ATOSA: variants seen among roughly 807,000 people sequenced by gnomAD.
The protein encoded by ATOSA is atos homolog protein A.
At chr15:52,628,048 T>C in the ATOSA span, among the ~76,000 whole-genome samples, 2 of 152,112 alleles carry the variant, frequency 1.3e-5, no homozygotes, top group Non-Finnish European at 2.9e-5. Flanking sequence ...CCAATGGAAA[T>C]GAAGGAAAGA....
the ATOSA span, chr15:52,586,937 CTTAAGTATTCACCTTGATTAGCTTA>C: frequency 1.0e-5 from 9 of 874,388 alleles, no homozygotes; most frequent in Non-Finnish European, 1.4e-5. Flanking sequence ...TGCTATTTTT[CTTAAGTATTCACCTTGATTAGCTTA>C]TTAATGCTTT....
At chr15:52,697,725 T>A in the ATOSA span, among the ~76,000 whole-genome samples, 2,593 of 151,994 alleles carry the variant, frequency 0.017, 80 homozygotes, top group African/African-American at 0.061. Context: ...AAAGATTTCT[T>A]CAAGTTATTA....
chr15:52,604,958 G>A, the ATOSA span, among the ~76,000 whole-genome samples: 3 of 151,752 alleles, frequency 2.0e-5, no homozygotes, highest in African/African-American at 7.3e-5. Context: ...TCACATTTTT[G>A]TCTTTTCCTG....
the ATOSA span, among the ~76,000 whole-genome samples, chr15:52,682,400 T>A: frequency 6.6e-6 from 1 of 152,130 alleles, no homozygotes; most frequent in Non-Finnish European, 1.5e-5. Flanking sequence ...CCAAATCCAG[T>A]GACTAATGTC....
chr15:52,632,821 G>A, the ATOSA span, among the ~76,000 whole-genome samples: 5 of 152,242 alleles, frequency 3.3e-5, no homozygotes, highest in Admixed American at 6.5e-5. Flanking sequence ...TTCAAGGAAT[G>A]CCATGAAGCA....
the ATOSA span, among the ~76,000 whole-genome samples, chr15:52,634,506 GC>G: frequency 6.6e-6 from 1 of 151,138 alleles, no homozygotes; most frequent in Non-Finnish European, 1.5e-5. Context: ...AATGGTATAA[GC>G]ATCTTATTAA....
At chr15:52,647,928 C>A in the ATOSA span, among the ~76,000 whole-genome samples, 3 of 152,100 alleles carry the variant, frequency 2.0e-5, no homozygotes, top group African/African-American at 7.2e-5. Flanking sequence ...TACCCATGAA[C>A]CCTGTCTTCT....
the ATOSA span, among the ~76,000 whole-genome samples, chr15:52,606,897 A>C: frequency 4.6e-5 from 7 of 152,210 alleles, no homozygotes; most frequent in African/African-American, 1.4e-4. Context: ...CTTCAGAAGA[A>C]ATTTTCCATA....
the ATOSA span, among the ~76,000 whole-genome samples, chr15:52,582,569 G>A: frequency 2.0e-5 from 3 of 152,152 alleles, no homozygotes; most frequent in Non-Finnish European, 4.4e-5. Flanking sequence ...AAATCTGAGT[G>A]TCAAATAAAT....
At chr15:52,682,278 C>T in the ATOSA span, among the ~76,000 whole-genome samples, 1 of 150,490 alleles carries the variant, frequency 6.6e-6, no homozygotes, top group African/African-American at 2.5e-5. Flanking sequence ...GTGTTCTCCC[C>T]TCAAAAAAAA....
At chr15:52,609,350 T>G in the ATOSA span, 1 of 1,613,904 alleles carries the variant, frequency 6.2e-7, no homozygotes, top group Non-Finnish European at 8.5e-7. Context: ...TATGAACTCC[T>G]AAACACTTTA....
At chr15:52,622,498 C>T in the ATOSA span, among the ~76,000 whole-genome samples, 1 of 152,142 alleles carries the variant, frequency 6.6e-6, no homozygotes, top group Non-Finnish European at 1.5e-5. Context: ...TTCGTAGACA[C>T]TGGGGCTTGG....
chr15:52,609,569 G>C, the ATOSA span: 1 of 1,613,376 alleles, frequency 6.2e-7, no homozygotes, highest in Non-Finnish European at 8.5e-7. Context: ...GGAGTTTCTG[G>C]TTTTAGTCGA....
the ATOSA span, among the ~76,000 whole-genome samples, chr15:52,606,801 T>C: frequency 1.1e-4 from 17 of 152,254 alleles, no homozygotes; most frequent in African/African-American, 3.8e-4. Flanking sequence ...ACTGGAAACA[T>C]GGCAAAATTT....
chr15:52,637,425 A>G, the ATOSA span, among the ~76,000 whole-genome samples: 1 of 152,244 alleles, frequency 6.6e-6, no homozygotes, highest in African/African-American at 2.4e-5. Context: ...CCCAACCCCA[A>G]ATTTGCTCGT....
chr15:52,636,039 ATAT>A, the ATOSA span, among the ~76,000 whole-genome samples: 8 of 147,460 alleles, frequency 5.4e-5, no homozygotes, highest in South Asian at 4.2e-4. Context: ...TAATAAATAT[ATAT>A]TATTAATAAA....
At chr15:52,583,928 C>T in the ATOSA span, among the ~76,000 whole-genome samples, 1 of 151,574 alleles carries the variant, frequency 6.6e-6, no homozygotes, top group East Asian at 1.9e-4. Flanking sequence ...CTTGAGTGTA[C>T]AGCTCACTGC....
the ATOSA span, among the ~76,000 whole-genome samples, chr15:52,624,614 G>C: frequency 6.6e-6 from 1 of 152,136 alleles, no homozygotes; most frequent in Non-Finnish European, 1.5e-5. Flanking sequence ...GAAAAATTCA[G>C]CACGATTTGA....
the ATOSA span, among the ~76,000 whole-genome samples, chr15:52,641,515 T>C: frequency 6.6e-6 from 1 of 152,144 alleles, no homozygotes; most frequent in Non-Finnish European, 1.5e-5. Context: ...CAGAAGTGTA[T>C]GAGAATGATA....
Sources: allele counts gnomAD v4.1 joint callset (sites outside exome capture counted in the v4.1 genomes callset), GRCh38; gene constraint gnomAD v4.1.1; transcripts MANE v1.5; gene names NCBI Gene and HGNC (gene_info 2026-07-23, HGNC 2026-07-21).